SPTBN1: variants seen among roughly 807,000 people sequenced by gnomAD.
SPTBN1 encodes spectrin beta, non-erythrocytic 1, also known as spectrin beta chain, non-erythrocytic 1.
Under a neutral mutation model 266.4 loss-of-function variants are expected in SPTBN1, and 32 were observed. The ratio of observed to expected loss-of-function variants is 0.12; its 90% confidence interval spans 0.09 to 0.16. The LOEUF (loss-of-function observed/expected upper bound fraction) is 0.16, where lower values mean the gene tolerates loss of function less well. SPTBN1 is among the 10% of genes least tolerant of loss of function. The pLI, the probability that SPTBN1 is intolerant of heterozygous loss-of-function variation, is 1.00. For synonymous variants in SPTBN1, 1,336 were observed against 1,162.2 expected, an observed-to-expected ratio of 1.15 and a Z score of -3.04; for missense variants, 2,296 against 3,067.1, an observed-to-expected ratio of 0.75 and a Z score of 5.94.
At chr2:54,557,928 G>A in intron 2 of SPTBN1, 1 of 985,424 alleles carries the variant, frequency 1.0e-6, no homozygotes, top group African/African-American at 1.7e-5. Context: ...GTTGGCGCCA[G>A]CGCACTGGGG....
chr2:54,534,867 C>T (rs576114318), intron 2 of SPTBN1, among the ~76,000 whole-genome samples: 1 of 152,292 alleles, frequency 6.6e-6, no homozygotes, highest in Admixed American at 6.5e-5. Context: ...CTGGCCCAGC[C>T]CCTATTCCTG....
intron 3 of SPTBN1, among the ~76,000 whole-genome samples, chr2:54,601,024 G>T (rs540525844): frequency 6.6e-6 from 1 of 152,116 alleles, no homozygotes; most frequent in African/African-American, 2.4e-5. Context: ...AGAAAAACCA[G>T]TAAAGCATAA....
intron 2 of SPTBN1, chr2:54,527,807 C>A (rs1325159069): frequency 6.6e-6 from 1 of 152,198 alleles, no homozygotes; most frequent in Non-Finnish European, 1.5e-5. Flanking sequence ...TGACTTGGAT[C>A]ATGTGCTTCT....
intron 32 of SPTBN1, chr2:54,661,193 G>A: frequency 1.0e-6 from 1 of 985,554 alleles, no homozygotes; most frequent in Non-Finnish European, 1.2e-6. Context: ...GTATCTATCA[G>A]GCCACCAGCA....
At chr2:54,574,006 A>C (rs1674279793) in intron 2 of SPTBN1, among the ~76,000 whole-genome samples, 1 of 152,150 alleles carries the variant, frequency 6.6e-6, no homozygotes, top group African/African-American at 2.4e-5. Context: ...CCGTATGGAA[A>C]ATACAAACTC....
In SPTBN1 at chr2:54,626,273, C is replaced by T; in HGVS notation, c.1644+39C>T. The T allele has an allele frequency of 6.3e-7, 1 of 1,579,762 alleles. No homozygotes were observed. The highest frequency in any genetic ancestry group is 8.6e-7 in the Non-Finnish European group (1 of 1,160,668). ...GAAAGGAAGGACGACAGAGCTGATCCAACCAGGGCTCTCTTTTCTGTGACT... is the reference window on the plus strand; with the variant it reads ...GAAAGGAAGGACGACAGAGCTGATCTAACCAGGGCTCTCTTTTCTGTGACT... On this transcript the variant is annotated intron_variant, in intron 12 of 35. Coordinates refer to ENST00000356805, the MANE Select transcript of SPTBN1 (RefSeq NM_003128.3). This position sits in a 1 kb window ranked among gnomAD's most constrained non-coding sequence, Gnocchi z 4.7.
chr2:54,498,232 C>T (rs562672058), intron 1 of SPTBN1, among the ~76,000 whole-genome samples: 3 of 152,314 alleles, frequency 2.0e-5, no homozygotes, highest in Non-Finnish European at 4.4e-5. Flanking sequence ...TGGAGCATGA[C>T]CAGTGCATTC....
intron 26 of SPTBN1, among the ~76,000 whole-genome samples, chr2:54,651,384 A>G (rs1680276449): frequency 6.6e-6 from 1 of 150,760 alleles, no homozygotes; most frequent in Non-Finnish European, 1.5e-5. Flanking sequence ...ATGATGTTAT[A>G]GCAGTGAAAA....
intron 1 of SPTBN1, among the ~76,000 whole-genome samples, chr2:54,505,382 C>G (rs935884623): frequency 6.6e-6 from 1 of 152,188 alleles, no homozygotes; most frequent in African/African-American, 2.4e-5. Flanking sequence ...ATTATTTAAA[C>G]ATTGTTTCAG....
At chr2:54,667,678 C>T (rs1247306725) in intron 35 of SPTBN1, 32 bp downstream of exon 35, 3 of 1,600,454 alleles carry the variant, frequency 1.9e-6, no homozygotes, top group Non-Finnish European at 2.6e-6. Context: ...CTCTCCACTA[C>T]TTAGGAGTTT....
chr2:54,457,034 C>A (rs1693076261), intron 1 of SPTBN1, among the ~76,000 whole-genome samples: 1 of 151,658 alleles, frequency 6.6e-6, no homozygotes, highest in Admixed American at 6.6e-5. Flanking sequence ...CTGCGCGTAG[C>A]GGTGCAGGGG....
In SPTBN1 at chr2:54,558,969, C is replaced by T. The variant is rs576997719; in HGVS notation, c.148+32403C>T. The T allele has an allele frequency of 2.7e-6, 4 of 1,501,234 alleles. No individual in the cohort carries two copies. Among genetic ancestry groups the T allele is most frequent in the East Asian group, 2.4e-5 (1 of 41,810 alleles). The allele number at this position is 1,501,234 out of a possible 1,614,324, so 93.0% of individuals were successfully genotyped here. On this transcript the variant is annotated intron_variant, in intron 2 of 35. Transcript: ENST00000356805. The surrounding 1 kb of genome is among the most constrained non-coding windows in gnomAD (Gnocchi z 4.6). ...GCTTTATTTGTGACCCTAATGAAGA[C>T]GGGCGGCTTCACAGCTCGGCCCCAG... is the stretch of plus-strand genomic sequence containing the variant.
chr2:54,639,351 G>T, intron 18 of SPTBN1, among the ~76,000 whole-genome samples: 1 of 152,272 alleles, frequency 6.6e-6, no homozygotes, highest in African/African-American at 2.4e-5. Flanking sequence ...GTTTCACCTT[G>T]AGAAACCATC....
rs1478930086 is a variant in SPTBN1, at chr2:54,558,846, A to G, written c.148+32280A>G. The G allele has an allele frequency of 6.2e-7, 1 of 1,613,884 alleles. No individual in the cohort carries two copies. The highest frequency in any genetic ancestry group is 8.5e-7 in the Non-Finnish European group (1 of 1,179,916). On this transcript the variant is annotated intron_variant, in intron 2 of 35. Transcript: ENST00000356805. This position sits in a 1 kb window ranked among gnomAD's most constrained non-coding sequence, Gnocchi z 4.6. ...CCGGCGTACACGGGGCAGGTGCCTT[A>G]CAACTACAACCAGCTGGAAGGCAGA...
intron 2 of SPTBN1, among the ~76,000 whole-genome samples, chr2:54,586,465 T>G (rs1229408945): frequency 6.6e-6 from 1 of 152,266 alleles, no homozygotes; most frequent in Non-Finnish European, 1.5e-5. Flanking sequence ...AAGTGATAAC[T>G]TGGCATTGCT....
At chr2:54,640,545 G>A (rs1330626566) in intron 18 of SPTBN1, among the ~76,000 whole-genome samples, 1 of 152,084 alleles carries the variant, frequency 6.6e-6, no homozygotes, top group Non-Finnish European at 1.5e-5. Flanking sequence ...TCTTTGTAGT[G>A]GTTTTGTTTT....
At chr2:54,458,269 A>C (rs982965677) in intron 1 of SPTBN1, among the ~76,000 whole-genome samples, 1 of 152,228 alleles carries the variant, frequency 6.6e-6, no homozygotes, top group Non-Finnish European at 1.5e-5. Context: ...AGTATATTAA[A>C]ATTCAGTAGG....
At chr2:54,642,727 T>G (rs1679659242) in intron 18 of SPTBN1, among the ~76,000 whole-genome samples, 1 of 152,140 alleles carries the variant, frequency 6.6e-6, no homozygotes, top group South Asian at 2.1e-4. Flanking sequence ...TGCCAAACAG[T>G]TTGAAAACTG....
intron 1 of SPTBN1, among the ~76,000 whole-genome samples, chr2:54,457,947 G>C (rs188088953): frequency 2.3e-4 from 35 of 152,336 alleles, no homozygotes; most frequent in Admixed American, 3.3e-4. Flanking sequence ...TCTGATCTGC[G>C]ACCAGGGGAC....
Sources: allele counts gnomAD v4.1 joint callset (sites outside exome capture counted in the v4.1 genomes callset), GRCh38; gene constraint gnomAD v4.1.1; non-coding constraint Gnocchi (gnomAD v3.1); transcripts MANE v1.5; gene names NCBI Gene and HGNC (gene_info 2026-07-23, HGNC 2026-07-21).